The following TIAM2 variants were observed in gnomAD, a reference collection of about 807,000 sequenced individuals.
The protein encoded by TIAM2 is TIAM Rac1 associated GEF 2.
Under a neutral mutation model 152.9 loss-of-function variants are expected in TIAM2, and 80 were observed. The observed-to-expected ratio is 0.52, with a 90% CI of 0.44 to 0.63. TIAM2 has a LOEUF of 0.63. Ranked by LOEUF, TIAM2 falls within the 30% of genes least tolerant of loss-of-function variation. TIAM2 has a pLI of 0.00. For synonymous variants in TIAM2, 804 were observed against 838.0 expected (o/e 0.96, Z 0.70); for missense variants, 1,965 against 2,120.1 (o/e 0.93, Z 1.44).
At chr6:155,084,025 A>C (rs1778127273) in intron 1 of TIAM2, among the ~76,000 whole-genome samples, 1 of 152,078 alleles carries the variant, frequency 6.6e-6, no homozygotes, top group Non-Finnish European at 1.5e-5. Context: ...AGGGCTGCCC[A>C]CCTCCCCTTC....
intron 1 of TIAM2, among the ~76,000 whole-genome samples, chr6:155,058,918 C>T (rs1054042117): frequency 1.3e-5 from 2 of 152,080 alleles, no homozygotes; most frequent in South Asian, 2.1e-4. Flanking sequence ...TGGTATCTAA[C>T]GTAAACTGGA....
At chr6:155,146,467 T>C (rs1326822332) in intron 6 of TIAM2, among the ~76,000 whole-genome samples, 1 of 152,190 alleles carries the variant, frequency 6.6e-6, no homozygotes, top group Non-Finnish European at 1.5e-5. Flanking sequence ...CTCGAATGTG[T>C]GTGGTTATTT....
chr6:155,245,814 TAG>T (rs1284634884), intron 19 of TIAM2, 83 bp downstream of exon 19: 3 of 945,472 alleles, frequency 3.2e-6, no homozygotes, highest in Non-Finnish European at 4.7e-6. Context: ...ATTTAACAAG[TAG>T]AGAGTAAGTA....
At position 155,129,326 on chromosome 6, in the gene TIAM2, A is replaced by G. The variant is rs1310349886; in HGVS notation, c.103A>G (p.Ile35Val). ...TCCTTGCTCCCTGAAAATACGTGGC[A>G]TTCATGCAAAAGAGGAAAAGTCATT... is the stretch of plus-strand genomic sequence containing the variant. ...QIPCSLKIRGIHAKEEKSLHG... is the reference protein window; with the variant it reads ...QIPCSLKIRGVHAKEEKSLHG... Residue 35 changes from isoleucine to valine, a missense_variant, in exon 4 of 27, where the codon ATT becomes GTT. This residue lies in a region of TIAM2 where 1,025 missense variants were observed against 1,119.4 expected (regional missense o/e 0.92). Coordinates refer to ENST00000682666, the MANE Select transcript of TIAM2 (RefSeq NM_012454.4). This position sits in a 1 kb window ranked among gnomAD's most constrained non-coding sequence, Gnocchi z 4.8. 1.2e-6 allele frequency: 2 copies of G among 1,614,212 alleles called. No individual in the cohort carries two copies. Among genetic ancestry groups the G allele is most frequent in the Non-Finnish European group, 1.7e-6 (2 of 1,180,042 alleles).
chr6:155,171,538 C>T (rs191520102), intron 9 of TIAM2, among the ~76,000 whole-genome samples: 87 of 151,880 alleles, frequency 5.7e-4, no homozygotes, highest in Admixed American at 1.6e-3. Flanking sequence ...TCATCTTAGT[C>T]ATGAGCTGTA....
intron 1 of TIAM2, among the ~76,000 whole-genome samples, chr6:155,078,854 T>C (rs1778006227): frequency 6.6e-6 from 1 of 152,190 alleles, no homozygotes; most frequent in African/African-American, 2.4e-5. Context: ...TTCCGTTAGG[T>C]GTGTTTTGTT....
intron 1 of TIAM2, among the ~76,000 whole-genome samples, chr6:155,030,114 T>A (rs1486553970): frequency 6.6e-6 from 1 of 152,128 alleles, no homozygotes; most frequent in Non-Finnish European, 1.5e-5. Flanking sequence ...AGTTTCATAG[T>A]TATCACTTGT....
At chr6:155,088,512 T>G (rs1778223562) in intron 1 of TIAM2, among the ~76,000 whole-genome samples, 2 of 152,262 alleles carry the variant, frequency 1.3e-5, no homozygotes, top group African/African-American at 4.8e-5. Flanking sequence ...AAGTAATTTA[T>G]TAAGTATTTT....
intron 9 of TIAM2, among the ~76,000 whole-genome samples, chr6:155,166,212 G>A (rs529718039): frequency 2.0e-5 from 3 of 152,192 alleles, no homozygotes; most frequent in African/African-American, 7.2e-5. Context: ...GGCAGGGCCA[G>A]GACTAGTTTC....
chr6:155,000,491 A>G (rs900362414), intron 1 of TIAM2, among the ~76,000 whole-genome samples: 2 of 138,926 alleles, frequency 1.4e-5, no homozygotes, highest in South Asian at 4.8e-4. Flanking sequence ...AGATTGCGCC[A>G]TTGCACTCCA....
At chr6:155,252,454 G>A (rs531988924) in intron 23 of TIAM2, among the ~76,000 whole-genome samples, 1 of 152,296 alleles carries the variant, frequency 6.6e-6, no homozygotes, top group Admixed American at 6.5e-5. Flanking sequence ...GTGCGACAGA[G>A]TGAGACCCTG....
In TIAM2 at chr6:155,083,367, A is replaced by AAG. The variant is rs796368340; in HGVS notation, c.-208-6904_-208-6903dup. Among the ~76,000 whole-genome samples, 658 of 119,166 alleles carry AAG rather than the reference A, an allele frequency of 5.5e-3. 9 individuals carry two copies. Among genetic ancestry groups the AAG allele is most frequent in the South Asian group, 0.029 (95 of 3,256 alleles). The allele number at this position is 119,166 out of a possible 152,430, so 78.2% of individuals were successfully genotyped here. A position where few individuals can be genotyped will look rare whatever the true frequency, so the allele number is the denominator to read the frequency against. ...TTATCTCAAAAAAAAAAAAAAAAAA[A>AAG]AGAGAGAGAGAGAGAGAGATGGGCA... On this transcript the variant is annotated intron_variant, in intron 1 of 26. Transcript: ENST00000682666.
At chr6:155,011,818 G>A (rs1261637709) in intron 1 of TIAM2, among the ~76,000 whole-genome samples, 1 of 152,216 alleles carries the variant, frequency 6.6e-6, no homozygotes. Flanking sequence ...ACTTTTTCAG[G>A]AATTATTCTT....
intron 1 of TIAM2, among the ~76,000 whole-genome samples, chr6:155,079,322 A>G (rs1778015586): frequency 1.3e-5 from 2 of 152,066 alleles, no homozygotes; most frequent in African/African-American, 4.8e-5. Context: ...TTGGCCTCCC[A>G]AAGTGCCGGG....
chr6:155,059,500 G>A (rs889842887), intron 1 of TIAM2, among the ~76,000 whole-genome samples: 9 of 151,900 alleles, frequency 5.9e-5, no homozygotes, highest in Non-Finnish European at 1.0e-4. Context: ...TTTTTTAGCC[G>A]AGATCGGGTT....
chr6:155,148,761 C>CA (rs929845292), intron 7 of TIAM2, among the ~76,000 whole-genome samples: 3 of 151,856 alleles, frequency 2.0e-5, no homozygotes, highest in African/African-American at 7.3e-5. Flanking sequence ...CTATGGATTG[C>CA]AAAAAAACAG....
intron 15 of TIAM2, among the ~76,000 whole-genome samples, chr6:155,212,257 T>G (rs1781739630): frequency 6.6e-6 from 1 of 152,222 alleles, no homozygotes; most frequent in Admixed American, 6.5e-5. Context: ...TTTAGCTTTT[T>G]GAGGAACAGC....
chr6:155,244,587 G>A (rs1298647511), intron 17 of TIAM2, 71 bp from the exon 18 acceptor site: 70 of 1,536,324 alleles, frequency 4.6e-5, no homozygotes, highest in Non-Finnish European at 6.2e-5. Flanking sequence ...TTATTTGTGG[G>A]CCTAAGAGTT....
intron 2 of TIAM2, among the ~76,000 whole-genome samples, chr6:155,124,469 T>A (rs1779244553): frequency 6.6e-6 from 1 of 152,210 alleles, no homozygotes; most frequent in African/African-American, 2.4e-5. Flanking sequence ...TAGCTGGGAT[T>A]ACAGGCATGC....
Sources: allele counts gnomAD v4.1 joint callset (sites outside exome capture counted in the v4.1 genomes callset), GRCh38; gene constraint gnomAD v4.1.1; regional missense constraint gnomAD v4.1.1; non-coding constraint Gnocchi (gnomAD v3.1); transcripts MANE v1.5; gene names NCBI Gene and HGNC (gene_info 2026-07-23, HGNC 2026-07-21).